The following UBXN2B variants were observed in gnomAD, a reference collection of about 807,000 sequenced individuals.
The protein encoded by UBXN2B is UBX domain protein 2B.
In UBXN2B, 19 loss-of-function variants were observed where a neutral mutation model predicts 37.5. The ratio of observed to expected loss-of-function variants is 0.51; its 90% CI spans 0.35 to 0.74. UBXN2B has a LOEUF of 0.74. Among genes scored for constraint, UBXN2B ranks in the 30% least tolerant of loss-of-function variants. UBXN2B has a pLI of 0.01. For synonymous variants in UBXN2B, 145 were observed against 143.8 expected (o/e 1.01, Z -0.06); for missense variants, 370 against 393.2 (o/e 0.94, Z 0.50).
intron 4 of UBXN2B, 45 bp from the exon 5 acceptor site, chr8:58,434,348 AAT>A (rs34843413): frequency 0.18 from 67,895 of 379,160 alleles, 3,560 homozygotes; most frequent in Admixed American, 0.36. Flanking sequence ...TGTATATGTG[AAT>A]ATATATATAT....
At chr8:58,412,963 AGTG>A (rs1807678113) in intron 1 of UBXN2B, among the ~76,000 whole-genome samples, 1 of 152,196 alleles carries the variant, frequency 6.6e-6, no homozygotes, top group South Asian at 2.1e-4. Flanking sequence ...AAGTTAATAG[AGTG>A]TGTAACTTAA....
At chr8:58,423,686 C>T (rs1474941885) in intron 2 of UBXN2B, among the ~76,000 whole-genome samples, 3 of 151,484 alleles carry the variant, frequency 2.0e-5, no homozygotes, top group African/African-American at 4.8e-5. Flanking sequence ...CCGCCAGCCT[C>T]GGCCTCCCAA....
Position 58,446,046 on chromosome 8 carries a change from CA to C in UBXN2B, c.814del (p.Arg272AspfsTer30), listed in dbSNP as rs1563469094. 1 of 1,610,150 alleles carries C rather than the reference CA, an allele frequency of 6.2e-7. No homozygotes were observed. The highest frequency in any genetic ancestry group is 8.5e-7 in the Non-Finnish European group (1 of 1,178,532). On this transcript the variant is annotated frameshift_variant, in exon 7 of 8. Transcript: ENST00000399598. LOFTEE classifies it high-confidence loss of function. ...IRLADGSRLIQRFNSTHRILD... is the reference protein window; with the variant it reads ...IRLADGSRLIXRFNSTHRILD... Reference sequence around the variant, plus strand: ...GTTAGCAGATGGGAGTCGTTTGATACAAAGATTCAATAGTACACACAGGTAA... The same window carrying C: ...GTTAGCAGATGGGAGTCGTTTGATACAAGATTCAATAGTACACACAGGTAA...
chr8:58,415,037 A>G (rs1262401097), intron 1 of UBXN2B, among the ~76,000 whole-genome samples: 2 of 152,168 alleles, frequency 1.3e-5, no homozygotes, highest in Middle Eastern at 3.2e-3. Flanking sequence ...ATATAATTCA[A>G]CGTCAATTTG....
At chr8:58,431,794 AT>A (rs1797240532) in intron 3 of UBXN2B, among the ~76,000 whole-genome samples, 1 of 152,080 alleles carries the variant, frequency 6.6e-6, no homozygotes, top group Non-Finnish European at 1.5e-5. Context: ...GTTTTATTTT[AT>A]TTGTCTAATA....
chr8:58,436,844 A>G (rs1009030077), intron 5 of UBXN2B, among the ~76,000 whole-genome samples: 2 of 152,186 alleles, frequency 1.3e-5, no homozygotes, highest in East Asian at 3.8e-4. Flanking sequence ...GTACCATGCT[A>G]CTTGTACAGC....
intron 2 of UBXN2B, chr8:58,426,051 C>G (rs1368936682): frequency 2.2e-6 from 3 of 1,385,172 alleles, no homozygotes; most frequent in African/African-American, 1.4e-5. Flanking sequence ...GAGGCAGGAT[C>G]TGCACAGTTC....
Position 58,447,436 on chromosome 8 carries a change from C to T in UBXN2B, c.881C>T (p.Ala294Val), listed in dbSNP as rs565655095. Residue 294 changes from alanine to valine, a missense_variant, in exon 8 of 8, where the codon GCG becomes GTG. By Grantham distance (64) the Ala-to-Val change is moderately conservative. Coordinates refer to ENST00000399598, the MANE Select transcript of UBXN2B (RefSeq NM_001077619.2). Reference sequence around the variant, plus strand: ...ATTGTACAGTCTCGTCCTGAATTTGCGGCTCTTGACTTTATTCTTGTGACT... The same window carrying T: ...ATTGTACAGTCTCGTCCTGAATTTGTGGCTCTTGACTTTATTCTTGTGACT... ...NFIVQSRPEF[A>V]ALDFILVTSF... The T allele has an allele frequency of 5.0e-6, 8 of 1,612,340 alleles. No individual in the cohort carries two copies. Among genetic ancestry groups the T allele is most frequent in the Middle Eastern group, 1.7e-4 (1 of 5,828 alleles).
chr8:58,418,198 G>A lies in UBXN2B; in HGVS notation c.188+1245G>A, dbSNP rs548496997. The stretch of plus-strand genomic sequence containing the variant: ...AGAAGTTGCAGAGAGCCGAGATGGC[G>A]CGACTGCACTCCAGCCTGAATGATG... On this transcript the variant is annotated intron_variant, in intron 2 of 7. Transcript: ENST00000399598. 1.7e-3 allele frequency among the ~76,000 whole-genome samples: 251 copies of A among 146,156 alleles called. 1 individual carries two copies. The highest frequency in any genetic ancestry group is 6.2e-3 in the African/African-American group (241 of 38,896).
At chr8:58,435,030 G>A in intron 5 of UBXN2B, 1 of 1,474,718 alleles carries the variant, frequency 6.8e-7, no homozygotes, top group Non-Finnish European at 9.0e-7. Flanking sequence ...TAACTTACCA[G>A]CTCTTCTTGC....
intron 2 of UBXN2B, among the ~76,000 whole-genome samples, chr8:58,419,163 CTG>C (rs1289285288): frequency 6.6e-6 from 1 of 152,156 alleles, no homozygotes. Flanking sequence ...GAGACGTAAA[CTG>C]TGTTTAATCT....
At chr8:58,433,287 T>C (rs1316070576) in intron 4 of UBXN2B, 44 bp downstream of exon 4, 1 of 1,487,424 alleles carries the variant, frequency 6.7e-7, no homozygotes, top group African/African-American at 1.4e-5. Context: ...TATTTGCTTC[T>C]AGTTACTAAA....
At chr8:58,422,277 TAGTG>T (rs1335034013) in intron 2 of UBXN2B, among the ~76,000 whole-genome samples, 2 of 152,178 alleles carry the variant, frequency 1.3e-5, no homozygotes, top group African/African-American at 2.4e-5. Flanking sequence ...CACATTTTGT[TAGTG>T]AGAATGGCAG....
At chr8:58,426,764 C>G (rs536251894) in intron 2 of UBXN2B, 1 of 634,712 alleles carries the variant, frequency 1.6e-6, no homozygotes, top group East Asian at 3.1e-5. Context: ...TGGGCTGGCC[C>G]GAGGGAGGCC....
chr8:58,430,225 T>A (rs909994506), intron 2 of UBXN2B, among the ~76,000 whole-genome samples: 5 of 152,172 alleles, frequency 3.3e-5, no homozygotes, highest in Admixed American at 3.3e-4. Flanking sequence ...GTGAATGAGA[T>A]GTATGTGATA....
Position 58,416,952 on chromosome 8 carries a change from C to A in UBXN2B, c.187C>A (p.Arg63=). ...VFKSPRTPPQ[R]FYSSEHEYSG... The stretch of plus-strand genomic sequence containing the variant: ...CAAGAGCCCACGGACACCACCTCAA[C>A]GGTAAGTTTTATTTTGTTTTGTTGT... Residue 63 remains arginine, a splice_region_variant and synonymous_variant, in exon 2 of 8, where the codon CGG becomes AGG. Coordinates refer to ENST00000399598, the MANE Select transcript of UBXN2B (RefSeq NM_001077619.2). 1.9e-6 allele frequency: 3 copies of A among 1,589,928 alleles called. No homozygotes were observed. Among genetic ancestry groups the A allele is most frequent in the Non-Finnish European group, 2.6e-6 (3 of 1,166,596 alleles).
chr8:58,436,534 G>A (rs1563465119), intron 5 of UBXN2B, among the ~76,000 whole-genome samples: 1 of 152,172 alleles, frequency 6.6e-6, no homozygotes, highest in African/African-American at 2.4e-5. Context: ...ATGATGTTTA[G>A]ATGGTTTAGA....
chr8:58,413,976 T>A lies in UBXN2B; in HGVS notation c.84+2507T>A, dbSNP rs115397004. 2.4e-3 allele frequency among the ~76,000 whole-genome samples: 370 copies of A among 152,314 alleles called. 3 individuals carry two copies. Among genetic ancestry groups the A allele is most frequent in the African/African-American group, 8.5e-3 (354 of 41,572 alleles). On this transcript the variant is annotated intron_variant, in intron 1 of 7. Coordinates refer to ENST00000399598, the MANE Select transcript of UBXN2B (RefSeq NM_001077619.2). ...TTCATTAAGGTATTTAGTTGTATACTCTGTCCCAGTTTTCCTCCACATATT... is the reference window on the plus strand; with the variant it reads ...TTCATTAAGGTATTTAGTTGTATACACTGTCCCAGTTTTCCTCCACATATT...
At chr8:58,424,772 T>C in intron 2 of UBXN2B, 2 of 1,438,798 alleles carry the variant, frequency 1.4e-6, no homozygotes, top group Non-Finnish European at 2.0e-6. Flanking sequence ...CTCTTGCTTT[T>C]CTGCTCTTCT....
Sources: allele counts gnomAD v4.1 joint callset (sites outside exome capture counted in the v4.1 genomes callset), GRCh38; gene constraint gnomAD v4.1.1; transcripts MANE v1.5; gene names NCBI Gene and HGNC (gene_info 2026-07-23, HGNC 2026-07-21).